The following AGBL1 variants were observed in gnomAD, a reference collection of about 807,000 sequenced individuals.
AGBL1 encodes AGBL carboxypeptidase 1, also known as cytosolic carboxypeptidase 4.
In AGBL1, 130 loss-of-function variants were observed where a neutral mutation model predicts 118.9. The ratio of observed to expected loss-of-function variants is 1.09; its 90% CI spans 0.95 to 1.26. AGBL1 has a LOEUF of 1.26. AGBL1 is among the 50% of genes most tolerant of loss of function. The pLI is 0.00. For synonymous variants in AGBL1, 555 were observed against 478.9 expected (o/e 1.16, Z -2.08); for missense variants, 1,584 against 1,298.1 (o/e 1.22, Z -3.38).
chr15:86,448,168 G>A (rs988489922), intron 18 of AGBL1, among the ~76,000 whole-genome samples: 1 of 152,172 alleles, frequency 6.6e-6, no homozygotes, highest in Admixed American at 6.5e-5. Context: ...AAGAAGTATC[G>A]AAACAGAATA....
chr15:86,432,063 A>G (rs2081941973), intron 18 of AGBL1, among the ~76,000 whole-genome samples: 1 of 80,982 alleles, frequency 1.2e-5, no homozygotes, highest in Non-Finnish European at 2.0e-5. Flanking sequence ...CCCAGTTCCC[A>G]GGATCAGGTT....
intron 5 of AGBL1, among the ~76,000 whole-genome samples, chr15:86,221,067 G>T (rs1422484663): frequency 3.3e-5 from 5 of 151,970 alleles, no homozygotes; most frequent in Non-Finnish European, 7.4e-5. Context: ...AGGCATGGTG[G>T]CATGCCTGTA....
intron 21 of AGBL1, among the ~76,000 whole-genome samples, chr15:86,633,087 G>A (rs1000015656): frequency 1.3e-5 from 2 of 152,048 alleles, no homozygotes; most frequent in African/African-American, 4.8e-5. Context: ...ACTTAGACAA[G>A]TAGTAAGAAT....
At chr15:86,429,904 C>A (rs1174857675) in intron 18 of AGBL1, among the ~76,000 whole-genome samples, 1 of 152,202 alleles carries the variant, frequency 6.6e-6, no homozygotes, top group Non-Finnish European at 1.5e-5. Flanking sequence ...TCCACACTGG[C>A]CTGGAGTTCA....
intron 9 of AGBL1, among the ~76,000 whole-genome samples, chr15:86,259,249 A>G (rs895753258): frequency 1.3e-5 from 2 of 152,164 alleles, no homozygotes; most frequent in African/African-American, 2.4e-5. Context: ...ACTTGCCAAA[A>G]TCACCCCTAG....
chr15:86,173,657 A>C (rs1476243910), intron 5 of AGBL1, among the ~76,000 whole-genome samples: 1 of 152,144 alleles, frequency 6.6e-6, no homozygotes, highest in African/African-American at 2.4e-5. Flanking sequence ...ACTCTTCTGC[A>C]TGTGGATATC....
intron 18 of AGBL1, among the ~76,000 whole-genome samples, chr15:86,460,447 G>GA (rs1305177108): frequency 6.6e-6 from 1 of 151,312 alleles, no homozygotes; most frequent in Non-Finnish European, 1.5e-5. Context: ...AGTGAGCAAT[G>GA]ACTGAGCCAC....
At chr15:86,951,140 T>C (rs569871653) in intron 23 of AGBL1, among the ~76,000 whole-genome samples, 10 of 152,288 alleles carry the variant, frequency 6.6e-5, no homozygotes, top group African/African-American at 2.4e-4. Context: ...TGAGGGTGTG[T>C]ACCTTTTAAA....
intron 19 of AGBL1, among the ~76,000 whole-genome samples, chr15:86,530,041 C>A (rs1270860985): frequency 7.7e-6 from 1 of 129,110 alleles, no homozygotes; most frequent in Non-Finnish European, 1.5e-5. Context: ...TAGGAAGAAA[C>A]TGCATCAACT....
At chr15:86,222,548 T>C (rs1165057925) in intron 5 of AGBL1, among the ~76,000 whole-genome samples, 1 of 152,176 alleles carries the variant, frequency 6.6e-6, no homozygotes, top group Non-Finnish European at 1.5e-5. Flanking sequence ...ACCAAATGGC[T>C]TCTCATTACC....
intron 17 of AGBL1, among the ~76,000 whole-genome samples, chr15:86,365,346 A>G (rs1395260795): frequency 6.6e-6 from 1 of 152,160 alleles, no homozygotes; most frequent in Non-Finnish European, 1.5e-5. Flanking sequence ...GGAAGAACTA[A>G]TTTTGAGTTA....
At chr15:86,376,436 CAAAG>C (rs1373336327) in intron 17 of AGBL1, among the ~76,000 whole-genome samples, 2 of 152,178 alleles carry the variant, frequency 1.3e-5, no homozygotes, top group Non-Finnish European at 2.9e-5. Context: ...TAGAGCTAGG[CAAAG>C]AAAGAGATGC....
intron 19 of AGBL1, among the ~76,000 whole-genome samples, chr15:86,523,519 C>T (rs1339953818): frequency 1.3e-5 from 2 of 151,974 alleles, no homozygotes; most frequent in African/African-American, 4.8e-5. Flanking sequence ...CACAATTGAC[C>T]CCACAACAAA....
At chr15:86,720,776 A>G (rs1377011215) in intron 22 of AGBL1, among the ~76,000 whole-genome samples, 3 of 152,198 alleles carry the variant, frequency 2.0e-5, no homozygotes, top group Non-Finnish European at 4.4e-5. Flanking sequence ...AAAGAAGAAA[A>G]GAAGAACCAA....
intron 22 of AGBL1, among the ~76,000 whole-genome samples, chr15:86,786,388 C>T (rs1168828117): frequency 6.6e-6 from 1 of 151,942 alleles, no homozygotes; most frequent in African/African-American, 2.4e-5. Flanking sequence ...GAGAGTGTGG[C>T]AGGATATGGC....
At chr15:86,510,894 A>G (rs1370436826) in intron 18 of AGBL1, among the ~76,000 whole-genome samples, 2 of 152,088 alleles carry the variant, frequency 1.3e-5, no homozygotes, top group East Asian at 1.9e-4. Flanking sequence ...TTCATTGTCT[A>G]TCACCTTCTG....
At chr15:86,919,584 A>ACG (rs1382528919), downstream of AGBL1, among the ~76,000 whole-genome samples, 1 of 117,718 alleles carries the variant, frequency 8.5e-6, no homozygotes, top group African/African-American at 2.6e-5. Flanking sequence ...ACACACACAC[A>ACG]CACACACACA....
intron 17 of AGBL1, among the ~76,000 whole-genome samples, chr15:86,349,442 G>A (rs2080590878): frequency 6.6e-6 from 1 of 152,120 alleles, no homozygotes; most frequent in African/African-American, 2.4e-5. Flanking sequence ...ATGCTTTGAG[G>A]TGTTTCTATG....
Position 86,675,156 on chromosome 15 carries a change from G to A in AGBL1, c.3158+720G>A, listed in dbSNP as rs16977914. Among the ~76,000 whole-genome samples, 746 of 152,246 alleles carry A rather than the reference G, an allele frequency of 4.9e-3. 15 individuals carry two copies. Among genetic ancestry groups the A allele is most frequent in the East Asian group, 0.045 (235 of 5,168 alleles). ...GAGGGGAGTCCAAGAAGCCAAAAGC[G>A]GCTAAGTCATTGCCCACACTTTGAG... On this transcript the variant is annotated intron_variant, in intron 22 of 22. Coordinates refer to ENST00000614907, the MANE Select transcript of AGBL1 (RefSeq NM_001386094.1).
Sources: allele counts gnomAD v4.1 joint callset (sites outside exome capture counted in the v4.1 genomes callset), GRCh38; gene constraint gnomAD v4.1.1; transcripts MANE v1.5; gene names NCBI Gene and HGNC (gene_info 2026-07-23, HGNC 2026-07-21).